Variants in KCNQ1 observed in about 807,000 individuals in gnomAD.
KCNQ1 encodes potassium voltage-gated channel subfamily Q member 1, also known as potassium voltage-gated channel subfamily KQT member 1.
In KCNQ1, 49 loss-of-function variants were observed where a neutral mutation model predicts 72.4. The observed-to-expected ratio is 0.68, with a 90% CI of 0.54 to 0.86. KCNQ1 has a LOEUF of 0.86. Ranked by LOEUF, KCNQ1 falls within the 40% of genes least tolerant of loss-of-function variation. The pLI, the probability that KCNQ1 is intolerant of heterozygous loss-of-function variation, is 0.00. For synonymous variants in KCNQ1, 450 were observed against 412.6 expected, an observed-to-expected ratio of 1.09 and a Z score of -1.10; for missense variants, 790 against 945.1, an observed-to-expected ratio of 0.84 and a Z score of 2.15.
At position 2,457,667 on chromosome 11, in the gene KCNQ1, T is replaced by C. The variant is rs1427127704; in HGVS notation, c.386+12183T>C. Among the ~76,000 whole-genome samples the C allele has an allele frequency of 6.6e-6, 1 of 152,180 alleles. No individual in the cohort carries two copies. On this transcript the variant is annotated intron_variant, in intron 1 of 15. Transcript: ENST00000155840. This position sits in a 1 kb window ranked among gnomAD's most constrained non-coding sequence, Gnocchi z 5.0. ...GGGGAGCAAGGTTTGAAAAGTTACCTGTGGGTGCTGTGCGCACTACGTGGG... is the reference window on the plus strand; with the variant it reads ...GGGGAGCAAGGTTTGAAAAGTTACCCGTGGGTGCTGTGCGCACTACGTGGG...
chr11:2,778,480 G>A lies in KCNQ1; in HGVS notation c.1794+443G>A, dbSNP rs140785911. Among the ~76,000 whole-genome samples, 804 of 152,288 alleles carry A rather than the reference G, an allele frequency of 5.3e-3. 8 individuals are homozygous for A. Among genetic ancestry groups the A allele is most frequent in the Middle Eastern group, 0.01 (3 of 294 alleles). ...CCGGCCGAGGGCTCAGGGAGGTGCA[G>A]GGCCCAGCTGGGATGGGTTCATGGG... On this transcript the variant is annotated intron_variant, in intron 15 of 15. Coordinates refer to ENST00000155840, the MANE Select transcript of KCNQ1 (RefSeq NM_000218.3).
chr11:2,793,257 A>G (rs999738488), intron 15 of KCNQ1, among the ~76,000 whole-genome samples: 7 of 152,236 alleles, frequency 4.6e-5, no homozygotes, highest in Admixed American at 3.3e-4. Flanking sequence ...ACCATATCCA[A>G]TAACGGGTGG....
At chr11:2,542,078 C>T (rs1439624745) in intron 2 of KCNQ1, among the ~76,000 whole-genome samples, 1 of 152,242 alleles carries the variant, frequency 6.6e-6, no homozygotes, top group Non-Finnish European at 1.5e-5. Context: ...GCTGGGGAAA[C>T]TCCAGGATAT....
At position 2,559,564 on chromosome 11, in the gene KCNQ1, G is replaced by A. The variant is rs531487181; in HGVS notation, c.478-11064G>A. Among the ~76,000 whole-genome samples the A allele has an allele frequency of 3.3e-5, 5 of 152,298 alleles. No homozygotes were observed. Among genetic ancestry groups the A allele is most frequent in the South Asian group, 4.1e-4 (2 of 4,826 alleles). ...CAGCTGTCACCCACTTGCAGGGCCC[G>A]GCTGCCCGGTGGATGGGAACGGCCA... On this transcript the variant is annotated intron_variant, in intron 2 of 15. Transcript: ENST00000155840. The surrounding 1 kb of genome is among the most constrained non-coding windows in gnomAD (Gnocchi z 4.9).
At chr11:2,571,799 T>C (rs1262492565) in intron 4 of KCNQ1, among the ~76,000 whole-genome samples, 3 of 152,122 alleles carry the variant, frequency 2.0e-5, no homozygotes, top group Non-Finnish European at 4.4e-5. Flanking sequence ...CTCAGCCCTG[T>C]GTGGGCAGAT....
chr11:2,620,316 A>T lies in KCNQ1; in HGVS notation c.1393+31462A>T, dbSNP rs1589985869. 5 of 204,362 alleles carry T rather than the reference A, an allele frequency of 2.4e-5. No individual in the cohort carries two copies. In the South Asian group the frequency reaches 9.5e-4, roughly 39 times the overall value. The allele number at this position is 204,362 out of a possible 1,614,324, so 12.7% of individuals were successfully genotyped here. A position where few individuals can be genotyped will look rare whatever the true frequency, so the allele number is the denominator to read the frequency against. ...ACTGCAGCCTCCGCCTACCGGGTTC[A>T]AGTGATTCTCCTGCCTCAGCCTCCT... On this transcript the variant is annotated intron_variant, in intron 10 of 15. Coordinates refer to ENST00000155840, the MANE Select transcript of KCNQ1 (RefSeq NM_000218.3). This position sits in a 1 kb window ranked among gnomAD's most constrained non-coding sequence, Gnocchi z 4.5.
chr11:2,778,807 G>A (rs758896647), intron 15 of KCNQ1, among the ~76,000 whole-genome samples: 8 of 152,234 alleles, frequency 5.3e-5, no homozygotes, highest in East Asian at 1.9e-4. Context: ...CAGGGAGTGC[G>A]TCTGCCGCCC....
At position 2,777,960 on chromosome 11, in the gene KCNQ1, G is replaced by T; in HGVS notation, c.1733-16G>T. 2 of 1,613,664 alleles carry T rather than the reference G, an allele frequency of 1.2e-6. No individual in the cohort carries two copies. The highest frequency in any genetic ancestry group is 3.3e-5 in the Admixed American group (2 of 60,020). ...CCCAGCACTTGGCCCTGATTTGGGT[G>T]TTTTATCCCCCATAGAAAAGAGCAA... On this transcript the variant is annotated splice_polypyrimidine_tract_variant and intron_variant, in intron 14 of 15. Coordinates refer to ENST00000155840, the MANE Select transcript of KCNQ1 (RefSeq NM_000218.3).
At chr11:2,774,556 G>T (rs1846657804) in intron 12 of KCNQ1, among the ~76,000 whole-genome samples, 1 of 152,232 alleles carries the variant, frequency 6.6e-6, no homozygotes, top group Non-Finnish European at 1.5e-5. Flanking sequence ...TTGGTAGGGA[G>T]GAGGTCTCTG....
chr11:2,585,143 A>G, intron 7 of KCNQ1, 69 bp from the exon 8 acceptor site: 1 of 1,387,506 alleles, frequency 7.2e-7, no homozygotes, highest in Non-Finnish European at 1.0e-6. Context: ...ACCGGTAACC[A>G]CGTCCTGAGG....
rs1219864366 is a variant in KCNQ1 at position 2,720,551 on chromosome 11, A to G, written c.1515-48293A>G. ...GACCAGAGCAAGCAGTGTGCCATTA[A>G]CCCCTACCTGTCCAGAACTCTGAGC... is the stretch of plus-strand genomic sequence containing the variant. On this transcript the variant is annotated intron_variant, in intron 11 of 15. Transcript: ENST00000155840. The surrounding 1 kb of genome is among the most constrained non-coding windows in gnomAD (Gnocchi z 5.1). Among the ~76,000 whole-genome samples the G allele has an allele frequency of 6.6e-6, 1 of 151,782 alleles. No individual in the cohort carries two copies. Among genetic ancestry groups the G allele is most frequent in the Non-Finnish European group, 1.5e-5 (1 of 67,940 alleles).
At chr11:2,684,748 AAAG>A in intron 11 of KCNQ1, 2 of 398,618 alleles carry the variant, frequency 5.0e-6, no homozygotes, top group Non-Finnish European at 8.8e-6. Context: ...GCCTGGGAGA[AAAG>A]GGGTAAGGGA....
At chr11:2,761,118 G>A (rs12789600) in intron 11 of KCNQ1, among the ~76,000 whole-genome samples, 36,510 of 152,098 alleles carry the variant, frequency 0.24, 4,822 homozygotes, top group East Asian at 0.37. Flanking sequence ...ATTGAGTGGA[G>A]GTAGCTCTCA....
At chr11:2,841,043 C>T (rs1848198871) in intron 15 of KCNQ1, among the ~76,000 whole-genome samples, 1 of 152,234 alleles carries the variant, frequency 6.6e-6, no homozygotes, top group African/African-American at 2.4e-5. Context: ...GCTGGGCCTC[C>T]AGCTGGTGGC....
rs72847677 is a variant in KCNQ1, at chr11:2,541,392, G to A, written c.477+13374G>A. Among the ~76,000 whole-genome samples the A allele has an allele frequency of 0.062, 9,508 of 152,240 alleles. 385 individuals are homozygous for A. The highest frequency in any genetic ancestry group is 0.091 in the Non-Finnish European group (6,165 of 68,010). On this transcript the variant is annotated intron_variant, in intron 2 of 15. Coordinates refer to ENST00000155840, the MANE Select transcript of KCNQ1 (RefSeq NM_000218.3). The surrounding 1 kb of genome is among the most constrained non-coding windows in gnomAD (Gnocchi z 4.8). ...TTATTTCATTTTAGCTTTCTTTAGC[G>A]GGGCCTGTGTCTCTTCTCACTGACC...
chr11:2,633,405 G>A lies in KCNQ1; in HGVS notation c.1394-28556G>A, dbSNP rs947461547. The stretch of plus-strand genomic sequence containing the variant: ...GTCCCATTTGTCTATTTTTGTTTTT[G>A]TTGCCTGTGCTTATAAAGTCTTACC... On this transcript the variant is annotated intron_variant, in intron 10 of 15. Coordinates refer to ENST00000155840, the MANE Select transcript of KCNQ1 (RefSeq NM_000218.3). The A allele has an allele frequency of 1.2e-4, 47 of 398,332 alleles. No homozygotes were observed. In the East Asian group the frequency reaches 1.6e-3, roughly 14 times the overall value. 24.7% of individuals were successfully genotyped at this position (398,332 alleles called of 1,614,324 possible). A position where few individuals can be genotyped will look rare whatever the true frequency, so the allele number is the denominator to read the frequency against.
intron 11 of KCNQ1, among the ~76,000 whole-genome samples, chr11:2,747,245 C>T (rs1427383854): frequency 1.3e-5 from 2 of 152,210 alleles, no homozygotes; most frequent in Non-Finnish European, 2.9e-5. Context: ...TGACAAAGCC[C>T]CAATTTATTA....
rs1447366752 is a variant in KCNQ1, at chr11:2,565,484, G to GT, written c.478-5138dup. Among the ~76,000 whole-genome samples, 1 of 152,182 alleles carries GT rather than the reference G, an allele frequency of 6.6e-6. No homozygotes were observed. Among genetic ancestry groups the GT allele is most frequent in the African/African-American group, 2.4e-5 (1 of 41,436 alleles). ...AAAAATTGAGTTGTTAGGAACTTTGGTTTTTTAAATAATTTTAAAGCACAC... is the reference window on the plus strand; with the variant it reads ...AAAAATTGAGTTGTTAGGAACTTTGGTTTTTTTAAATAATTTTAAAGCACAC... On this transcript the variant is annotated intron_variant, in intron 2 of 15. Coordinates refer to ENST00000155840, the MANE Select transcript of KCNQ1 (RefSeq NM_000218.3). This position sits in a 1 kb window ranked among gnomAD's most constrained non-coding sequence, Gnocchi z 5.6.
At position 2,620,005 on chromosome 11, in the gene KCNQ1, C is replaced by G; in HGVS notation, c.1393+31151C>G. The G allele has an allele frequency of 2.5e-6, 1 of 397,924 alleles. No homozygotes were observed. Among genetic ancestry groups the G allele is most frequent in the Non-Finnish European group, 4.4e-6 (1 of 226,046 alleles). 24.6% of individuals were successfully genotyped at this position (397,924 alleles called of 1,614,324 possible). A position where few individuals can be genotyped will look rare whatever the true frequency, so the allele number is the denominator to read the frequency against. ...TAGTACCCAATAGGTAGGTTTTCAGCCCACCTCTCCATTCCTCCCCCAAGT... is the reference window on the plus strand; with the variant it reads ...TAGTACCCAATAGGTAGGTTTTCAGGCCACCTCTCCATTCCTCCCCCAAGT... On this transcript the variant is annotated intron_variant, in intron 10 of 15. Transcript: ENST00000155840. This position sits in a 1 kb window ranked among gnomAD's most constrained non-coding sequence, Gnocchi z 4.5.
Sources: allele counts gnomAD v4.1 joint callset (sites outside exome capture counted in the v4.1 genomes callset), GRCh38; gene constraint gnomAD v4.1.1; non-coding constraint Gnocchi (gnomAD v3.1); transcripts MANE v1.5; gene names NCBI Gene and HGNC (gene_info 2026-07-23, HGNC 2026-07-21).